The following FGF13 variants were observed in gnomAD, a reference collection of about 807,000 sequenced individuals.
The protein encoded by FGF13 is fibroblast growth factor homologous factor 2.
Under a neutral mutation model 19.5 loss-of-function variants are expected in FGF13, and 2 were observed. That is an observed-to-expected ratio of 0.10 (90% CI 0.04 to 0.32). The LOEUF is 0.32. Ranked by LOEUF, FGF13 falls within the 10% of genes least tolerant of loss-of-function variation. FGF13 has a pLI of 1.00. For missense variants in FGF13, 113 were observed against 192.7 expected, an observed-to-expected ratio of 0.59 and a Z score of 2.45; for synonymous variants, 72 against 76.9, an observed-to-expected ratio of 0.94 and a Z score of 0.33.
At chrX:139,087,825 G>A (rs2083414123) in intron 1 of FGF13, among the ~76,000 whole-genome samples, 1 of 111,842 alleles carries the variant, frequency 8.9e-6, no homozygotes, top group Admixed American at 9.5e-5. Context: ...TTTATTTGCT[G>A]GACAAAAACA....
At chrX:138,962,394 G>C (rs1246332244) in intron 1 of FGF13, among the ~76,000 whole-genome samples, 2 of 112,105 alleles carry the variant, frequency 1.8e-5, no homozygotes, top group African/African-American at 6.5e-5. Flanking sequence ...TACACTGTTG[G>C]TGGAACTGTA....
At chrX:139,196,734 C>G (rs1336615566) in intron 1 of FGF13, among the ~76,000 whole-genome samples, 1 of 111,858 alleles carries the variant, frequency 8.9e-6, no homozygotes, top group African/African-American at 3.3e-5. Flanking sequence ...ATCTTGTTAG[C>G]TGAGTGACCT....
intron 3 of FGF13, among the ~76,000 whole-genome samples, chrX:138,831,000 T>C (rs2091069224): frequency 9.0e-6 from 1 of 110,604 alleles, no homozygotes; most frequent in Admixed American, 9.7e-5. Context: ...TGCCTAAGGA[T>C]GCCTTGGGTC....
chrX:138,938,153 T>C (rs2091741110), intron 1 of FGF13, among the ~76,000 whole-genome samples: 1 of 111,367 alleles, frequency 9.0e-6, no homozygotes, highest in Admixed American at 9.5e-5. Flanking sequence ...TTCTCCCTCT[T>C]CTCCTCCTGC....
chrX:139,075,312 C>A (rs145083868), intron 1 of FGF13, among the ~76,000 whole-genome samples: 3,267 of 111,851 alleles, frequency 0.029, 61 homozygotes, highest in Middle Eastern at 0.055. Flanking sequence ...CAGGCACTAC[C>A]CGATCCCACT....
intron 1 of FGF13, among the ~76,000 whole-genome samples, chrX:138,999,355 T>C (rs962914420): frequency 9.0e-6 from 1 of 111,068 alleles, no homozygotes; most frequent in Non-Finnish European, 1.9e-5. Context: ...CTGAAGGAGA[T>C]AGAGACACGA....
intron 1 of FGF13, among the ~76,000 whole-genome samples, chrX:139,071,175 C>A (rs779574351): frequency 8.9e-6 from 1 of 111,737 alleles, no homozygotes; most frequent in South Asian, 3.8e-4. Flanking sequence ...ATCTTTAAAC[C>A]AAGTAATTTA....
intron 2 of FGF13, among the ~76,000 whole-genome samples, chrX:138,706,728 G>C (rs2089996005): frequency 9.0e-6 from 1 of 111,507 alleles, no homozygotes; most frequent in Admixed American, 9.5e-5. Context: ...CATTTGGATA[G>C]CTGGCCTTCA....
chrX:138,915,553 G>T (rs926143885), intron 1 of FGF13, among the ~76,000 whole-genome samples: 1 of 111,619 alleles, frequency 9.0e-6, no homozygotes, highest in South Asian at 3.8e-4. Context: ...AATGGGGAAT[G>T]AAGGGGTGTT....
intron 1 of FGF13, among the ~76,000 whole-genome samples, chrX:139,064,760 A>G (rs1313377383): frequency 9.0e-6 from 1 of 111,511 alleles, no homozygotes; most frequent in African/African-American, 3.3e-5. Context: ...TATGCTGAAG[A>G]GTGTTTTCCA....
intron 3 of FGF13, among the ~76,000 whole-genome samples, chrX:138,700,172 A>C (rs1407146848): frequency 2.7e-5 from 3 of 110,610 alleles, no homozygotes; most frequent in Admixed American, 9.6e-5. Flanking sequence ...TCAGCAATCC[A>C]TCTCCTTTTA....
intron 1 of FGF13, among the ~76,000 whole-genome samples, chrX:138,958,267 G>A (rs1486415742): frequency 8.9e-6 from 1 of 111,824 alleles, no homozygotes; most frequent in Non-Finnish European, 1.9e-5. Context: ...GGCCTTTTCT[G>A]CATCGATTGA....
chrX:138,780,713 A>T (rs1463659160), intron 3 of FGF13, among the ~76,000 whole-genome samples: 1 of 108,407 alleles, frequency 9.2e-6, no homozygotes, highest in Non-Finnish European at 1.9e-5. Flanking sequence ...CACATTAGTA[A>T]TGGGAGACTT....
chrX:138,704,173 G>A (rs1271817841), intron 2 of FGF13, among the ~76,000 whole-genome samples: 4 of 111,451 alleles, frequency 3.6e-5, no homozygotes, highest in Non-Finnish European at 5.6e-5. Context: ...CAAAATAGTT[G>A]CAAGTGGGCA....
intron 1 of FGF13, among the ~76,000 whole-genome samples, chrX:139,130,002 G>A (rs770887446): frequency 9.8e-5 from 11 of 112,113 alleles, no homozygotes; most frequent in Non-Finnish European, 1.5e-4. Context: ...TTATGAAGCG[G>A]GGACAGTAGT....
At chrX:138,924,840 TAAA>T (rs11301322) in intron 1 of FGF13, among the ~76,000 whole-genome samples, 5 of 93,519 alleles carry the variant, frequency 5.3e-5, no homozygotes, top group Non-Finnish European at 4.2e-5. Flanking sequence ...GGGGGAAAGT[TAAA>T]AAAAAAAAAA....
At chrX:139,014,739 C>A (rs1013829610) in intron 1 of FGF13, among the ~76,000 whole-genome samples, 14 of 111,325 alleles carry the variant, frequency 1.3e-4, no homozygotes, top group African/African-American at 4.2e-4. Flanking sequence ...TATCCTGATA[C>A]CAAAGCCAGA....
intron 3 of FGF13, among the ~76,000 whole-genome samples, chrX:138,768,263 G>A (rs192583312): frequency 1.7e-4 from 19 of 112,223 alleles, no homozygotes; most frequent in East Asian, 8.4e-4. Context: ...ATGAAATGTG[G>A]AAAGGCTTGT....
chrX:138,776,005 C>T (rs1569390718), intron 3 of FGF13, among the ~76,000 whole-genome samples: 1 of 112,560 alleles, frequency 8.9e-6, no homozygotes, highest in African/African-American at 3.2e-5. Flanking sequence ...CAGAAAGCTG[C>T]ATACAACATA....
Sources: gnomAD v4.1 joint callset for allele counts (sites outside exome capture counted in the v4.1 genomes callset) on GRCh38, gnomAD v4.1.1 for gene constraint, MANE v1.5 for transcripts, NCBI Gene and HGNC (gene_info 2026-07-23, HGNC 2026-07-21) for gene names.